ANKS1B: variants seen among roughly 807,000 people sequenced by gnomAD.
ANKS1B encodes the protein ankyrin repeat and sterile alpha motif domain containing 1B.
A neutral mutation model predicts 148.3 loss-of-function variants in ANKS1B; 36 were observed. That is an observed-to-expected ratio of 0.24 (90% CI 0.19 to 0.32). The LOEUF is 0.32. ANKS1B is among the 10% of genes least tolerant of loss of function. The pLI is 1.00. For missense variants in ANKS1B, 1,157 were observed against 1,542.6 expected (o/e 0.75, Z 4.19); for synonymous variants, 542 against 560.8 (o/e 0.97, Z 0.47).
intron 12 of ANKS1B, among the ~76,000 whole-genome samples, chr12:99,327,944 G>A (rs2086797521): frequency 6.6e-6 from 1 of 151,616 alleles, no homozygotes; most frequent in Non-Finnish European, 1.5e-5. Flanking sequence ...CCTATTTTCT[G>A]TGTGTGGTGA....
intron 12 of ANKS1B, among the ~76,000 whole-genome samples, chr12:99,345,265 A>G (rs2090504495): frequency 7.2e-5 from 11 of 152,050 alleles, no homozygotes; most frequent in Admixed American, 7.2e-4. Flanking sequence ...TAGAGATCTG[A>G]GAAATAACTC....
chr12:99,610,307 G>A (rs920351917), intron 9 of ANKS1B, among the ~76,000 whole-genome samples: 3 of 152,084 alleles, frequency 2.0e-5, no homozygotes, highest in Non-Finnish European at 2.9e-5. Flanking sequence ...GGGAAATGCA[G>A]TAAGGCCTGT....
chr12:98,978,549 G>A (rs1439207533), intron 17 of ANKS1B, among the ~76,000 whole-genome samples: 2 of 152,028 alleles, frequency 1.3e-5, no homozygotes, highest in Non-Finnish European at 2.9e-5. Context: ...TGTGGGCTTA[G>A]AGTACTCACA....
In ANKS1B at chr12:98,779,674, A is replaced by T. The variant is rs191566394; in HGVS notation, c.3441+1443T>A. Reference sequence around the variant, plus strand: ...AGCAATGGTATCTTTGCCATTCTATAATGTGTTCCATAAAGTGTTAGAACT... The same window carrying T: ...AGCAATGGTATCTTTGCCATTCTATTATGTGTTCCATAAAGTGTTAGAACT... On this transcript the variant is annotated intron_variant, in intron 24 of 26. Coordinates refer to ENST00000683438, the MANE Select transcript of ANKS1B (RefSeq NM_001352186.2). Among the ~76,000 whole-genome samples the T allele has an allele frequency of 5.0e-3, 764 of 152,336 alleles. 4 individuals are homozygous for T. The highest frequency in any genetic ancestry group is 7.7e-3 in the Non-Finnish European group (526 of 68,020).
chr12:98,887,429 C>G (rs992640604), intron 17 of ANKS1B, among the ~76,000 whole-genome samples: 4 of 152,068 alleles, frequency 2.6e-5, no homozygotes, highest in African/African-American at 9.7e-5. Flanking sequence ...AAGAGGGCCC[C>G]CAAATTATAT....
At chr12:99,970,455 G>A (rs181361118) in intron 1 of ANKS1B, among the ~76,000 whole-genome samples, 185 of 150,950 alleles carry the variant, frequency 1.2e-3, no homozygotes, top group African/African-American at 4.5e-3. Context: ...AAGATTAAAG[G>A]TAATTTTTGA....
chr12:99,386,691 T>C (rs2093872971), intron 12 of ANKS1B, among the ~76,000 whole-genome samples: 1 of 152,216 alleles, frequency 6.6e-6, no homozygotes, highest in Middle Eastern at 3.2e-3. Flanking sequence ...AATTACTTTA[T>C]AAATGTCTAA....
chr12:99,737,253 C>T (rs1339328828), intron 8 of ANKS1B, among the ~76,000 whole-genome samples: 9 of 152,200 alleles, frequency 5.9e-5, no homozygotes, highest in African/African-American at 2.2e-4. Flanking sequence ...TATTACAGCA[C>T]TATTCACAAC....
chr12:99,058,512 G>C (rs1357872607), intron 16 of ANKS1B, among the ~76,000 whole-genome samples: 1 of 151,926 alleles, frequency 6.6e-6, no homozygotes, highest in Admixed American at 6.6e-5. Flanking sequence ...ACCTCCCAAA[G>C]TGTTGGGATT....
chr12:99,134,628 G>GTCTCTCTC (rs773301655), intron 15 of ANKS1B, among the ~76,000 whole-genome samples: 6 of 112,454 alleles, frequency 5.3e-5, no homozygotes, highest in Admixed American at 1.8e-4. Context: ...ATCCCTTTCT[G>GTCTCTCTC]TCTCTCTCTC....
chr12:99,351,430 A>T (rs1321863595), intron 12 of ANKS1B, among the ~76,000 whole-genome samples: 1 of 151,646 alleles, frequency 6.6e-6, no homozygotes, highest in Non-Finnish European at 1.5e-5. Context: ...TTTAGTTTTT[A>T]ACTTTTTTTT....
intron 15 of ANKS1B, among the ~76,000 whole-genome samples, chr12:99,117,698 G>A (rs1232470174): frequency 6.6e-6 from 1 of 152,196 alleles, no homozygotes; most frequent in African/African-American, 2.4e-5. Context: ...GTATCAGGAT[G>A]AGGCTGGCCT....
At chr12:99,736,373 A>AAC (rs1555576620) in intron 8 of ANKS1B, among the ~76,000 whole-genome samples, 28,524 of 151,586 alleles carry the variant, frequency 0.19, 3,209 homozygotes, top group East Asian at 0.51. Context: ...ACAAAAAAAA[A>AAC]CTCTTCAAAC....
At chr12:99,886,963 A>G (rs926578477) in intron 1 of ANKS1B, among the ~76,000 whole-genome samples, 2 of 152,232 alleles carry the variant, frequency 1.3e-5, no homozygotes, top group African/African-American at 4.8e-5. Flanking sequence ...AACCAGCAAC[A>G]TTAATAATTA....
At chr12:99,294,516 A>C (rs1423943054) in intron 12 of ANKS1B, among the ~76,000 whole-genome samples, 1 of 152,188 alleles carries the variant, frequency 6.6e-6, no homozygotes, top group Non-Finnish European at 1.5e-5. Context: ...AATGATGGTT[A>C]CCAGAGGCTG....
At chr12:99,390,889 ATGGCCGACC>A (rs1006499439) in intron 12 of ANKS1B, among the ~76,000 whole-genome samples, 12 of 152,230 alleles carry the variant, frequency 7.9e-5, no homozygotes, top group Non-Finnish European at 4.4e-5. Flanking sequence ...GGAAAGACAG[ATGGCCGACC>A]TGGCAGAGAC....
intron 1 of ANKS1B, among the ~76,000 whole-genome samples, chr12:99,972,262 G>C (rs1174864297): frequency 1.3e-5 from 2 of 152,188 alleles, no homozygotes; most frequent in African/African-American, 4.8e-5. Flanking sequence ...AGCTAGAAAT[G>C]AATAAACTTA....
chr12:99,534,664 C>T (rs1259777374), intron 9 of ANKS1B, among the ~76,000 whole-genome samples: 1 of 150,142 alleles, frequency 6.7e-6, no homozygotes, highest in Non-Finnish European at 1.5e-5. Flanking sequence ...AAACATTTTA[C>T]AATATATTTA....
At chr12:99,023,752 T>C (rs1381703180) in intron 17 of ANKS1B, among the ~76,000 whole-genome samples, 2 of 151,390 alleles carry the variant, frequency 1.3e-5, no homozygotes, top group African/African-American at 2.4e-5. Flanking sequence ...ATGTCTCTTT[T>C]TAACATATCT....
Sources: allele counts gnomAD v4.1 joint callset (sites outside exome capture counted in the v4.1 genomes callset), GRCh38; gene constraint gnomAD v4.1.1; transcripts MANE v1.5; gene names NCBI Gene and HGNC (gene_info 2026-07-23, HGNC 2026-07-21).